ADCY5: variants seen among roughly 807,000 people sequenced by gnomAD.
ADCY5 encodes adenylate cyclase 5.
Under a neutral mutation model 119.7 loss-of-function variants are expected in ADCY5, and 30 were observed. The ratio of observed to expected loss-of-function variants is 0.25; its 90% CI spans 0.19 to 0.34. ADCY5 has a LOEUF of 0.34. Among genes scored for constraint, ADCY5 ranks in the 10% least tolerant of loss-of-function variants. ADCY5 has a pLI of 1.00. For synonymous variants in ADCY5, 753 were observed against 762.2 expected, an observed-to-expected ratio of 0.99 and a Z score of 0.20; for missense variants, 1,324 against 1,775.2, an observed-to-expected ratio of 0.75 and a Z score of 4.57.
intron 12 of ADCY5, among the ~76,000 whole-genome samples, chr3:123,308,522 AC>A (rs753756276): frequency 3.5e-4 from 53 of 151,546 alleles, no homozygotes; most frequent in Non-Finnish European, 7.1e-4. Flanking sequence ...GATTTTACTA[AC>A]CCCAGTTTGG....
rs374144428 is a variant in ADCY5 at position 123,435,094 on chromosome 3, G to A, written c.1134+12318C>T. Among the ~76,000 whole-genome samples the A allele has an allele frequency of 1.6e-3, 248 of 152,254 alleles. 1 individual carries two copies. The highest frequency in any genetic ancestry group is 5.8e-3 in the African/African-American group (242 of 41,554). On this transcript the variant is annotated intron_variant, in intron 1 of 20. Coordinates refer to ENST00000462833, the MANE Select transcript of ADCY5 (RefSeq NM_183357.3). The stretch of plus-strand genomic sequence containing the variant: ...GAGGCCAGGAGTTCAAGACCAGCCT[G>A]GGCAACATAGTGAGACTCCATCTCC...
rs1282007524 is a variant in ADCY5, at chr3:123,447,451, G to T, written c.1095C>A (p.Ala365=). 6 of 1,607,150 alleles carry T rather than the reference G, an allele frequency of 3.7e-6. No individual in the cohort carries two copies. In the East Asian group the frequency reaches 6.7e-5, roughly 18 times the overall value. The change falls in exon 1 of 21, where the codon GCC becomes GCA. Residue 365 remains alanine (A), a synonymous_variant. Coordinates refer to ENST00000462833, the MANE Select transcript of ADCY5 (RefSeq NM_183357.3). Reference sequence around the variant, plus strand: ...ACTGGTCCTGGGCGTTGGTGCGCAGGGCGATGGCCAGGTGGAGGGCGGACA... The same window carrying T: ...ACTGGTCCTGGGCGTTGGTGCGCAGTGCGATGGCCAGGTGGAGGGCGGACA... The part of the protein sequence containing the change: ...VLLSALHLAI[A]LRTNAQDQFL...
At chr3:123,403,380 C>CAAAA (rs35626615) in intron 1 of ADCY5, among the ~76,000 whole-genome samples, 2 of 68,492 alleles carry the variant, frequency 2.9e-5, no homozygotes, top group Admixed American at 1.6e-4. Flanking sequence ...GACCCTGTCT[C>CAAAA]AAAAAAAAAA....
chr3:123,390,393 C>CT (rs554754482), intron 1 of ADCY5, among the ~76,000 whole-genome samples: 182 of 152,320 alleles, frequency 1.2e-3, no homozygotes, highest in African/African-American at 4.0e-3. Context: ...CCTGTGCCCT[C>CT]TGGTGGAATG....
chr3:123,409,957 C>T (rs1043721996), intron 1 of ADCY5, among the ~76,000 whole-genome samples: 1 of 152,210 alleles, frequency 6.6e-6, no homozygotes, highest in Non-Finnish European at 1.5e-5. Flanking sequence ...AAGGCAAACA[C>T]GCAGCTGGCA....
At chr3:123,297,072 G>T in intron 16 of ADCY5, 1 of 1,534,222 alleles carries the variant, frequency 6.5e-7, no homozygotes. Context: ...AGAGCTTGAG[G>T]TTAAATGCTT....
rs566730842 is a variant in ADCY5, at chr3:123,443,554, C to T, written c.1134+3858G>A. 2.0e-5 allele frequency among the ~76,000 whole-genome samples: 3 copies of T among 152,252 alleles called. No individual in the cohort carries two copies. The East Asian group carries it at 5.8e-4, about 29-fold the overall frequency. On this transcript the variant is annotated intron_variant, in intron 1 of 20. Transcript: ENST00000462833. ...TACCCCCACCCCTCATTTGTCTCCTCGCTACAGACACACGTGCTCACAGTC... is the reference window on the plus strand; with the variant it reads ...TACCCCCACCCCTCATTTGTCTCCTTGCTACAGACACACGTGCTCACAGTC...
intron 1 of ADCY5, among the ~76,000 whole-genome samples, chr3:123,405,608 T>TATTTTATTTTATTTTACTCC (rs1406646438): frequency 2.6e-5 from 4 of 152,172 alleles, no homozygotes; most frequent in Admixed American, 6.5e-5. Context: ...TTATTTTATT[T>TATTTTATTTTATTTTACTCC]ATTTTATTTT....
At chr3:123,405,263 G>A (rs1944870523) in intron 1 of ADCY5, among the ~76,000 whole-genome samples, 1 of 152,238 alleles carries the variant, frequency 6.6e-6, no homozygotes, top group Non-Finnish European at 1.5e-5. Context: ...CCGCCAGGCT[G>A]CAGCAGCCTT....
intron 1 of ADCY5, among the ~76,000 whole-genome samples, chr3:123,436,181 C>T (rs530294031): frequency 2.0e-5 from 3 of 151,712 alleles, no homozygotes; most frequent in East Asian, 1.9e-4. Flanking sequence ...TGAGCCACTG[C>T]ACCTGGCCAA....
At chr3:123,400,638 G>A (rs1944723254) in intron 1 of ADCY5, among the ~76,000 whole-genome samples, 1 of 152,106 alleles carries the variant, frequency 6.6e-6, no homozygotes, top group Non-Finnish European at 1.5e-5. Context: ...CCACGTGAAA[G>A]AGGCAGGATA....
chr3:123,354,651 G>A (rs1257672625), intron 1 of ADCY5, among the ~76,000 whole-genome samples: 1 of 152,034 alleles, frequency 6.6e-6, no homozygotes, highest in East Asian at 1.9e-4. Flanking sequence ...AAGAGAGGAA[G>A]GTTCTCAGTG....
chr3:123,318,224 T>C lies in ADCY5; in HGVS notation c.2257-107A>G. The C allele has an allele frequency of 6.5e-6, 5 of 775,170 alleles. No individual in the cohort carries two copies. In the South Asian group the frequency reaches 7.8e-5, roughly 12 times the overall value. 48.0% of individuals were successfully genotyped at this position (775,170 alleles called of 1,614,324 possible). A position where few individuals can be genotyped will look rare whatever the true frequency, so the allele number is the denominator to read the frequency against. On this transcript the variant is annotated intron_variant, in intron 10 of 20. Transcript: ENST00000462833. The stretch of plus-strand genomic sequence containing the variant: ...GAAGCCACTCATGGCTGGTCACCTG[T>C]GCAGCCCACTCCCACAACAGGGAAG...
Position 123,352,467 on chromosome 3 carries a change from C to T in ADCY5, c.1249G>A (p.Ala417Thr), listed in dbSNP as rs764866314. The change falls in exon 2 of 21, where the codon GCG becomes ACG. Residue 417 changes from alanine to threonine, a missense_variant. This residue lies in a region of ADCY5 where 123 missense variants were observed against 287.9 expected (regional missense o/e 0.43). Transcript: ENST00000462833. The surrounding 1 kb of genome is among the most constrained non-coding windows in gnomAD (Gnocchi z 4.8). ...TTCTCCCGCTGCGAGTGGAGCCGCG[C>T]CTGGATGCACTCTCGGGTCTCCTGG... The part of the protein sequence containing the change: ...AFQETRECIQ[A>T]RLHSQRENQQ... 25 of 1,613,666 alleles carry T rather than the reference C, an allele frequency of 1.5e-5. No individual in the cohort carries two copies. The highest frequency in any genetic ancestry group is 8.5e-7 in the Non-Finnish European group (1 of 1,179,950).
At chr3:123,446,095 C>T (rs1945807304) in intron 1 of ADCY5, among the ~76,000 whole-genome samples, 1 of 152,128 alleles carries the variant, frequency 6.6e-6, no homozygotes, top group African/African-American at 2.4e-5. Context: ...AGCAAAGGCC[C>T]AGAGAGCTTG....
At chr3:123,417,774 G>GA (rs147851693) in intron 1 of ADCY5, among the ~76,000 whole-genome samples, 4,219 of 152,232 alleles carry the variant, frequency 0.028, 89 homozygotes, top group Middle Eastern at 0.054. Context: ...TTTTTCCTCT[G>GA]AAAATGAAAG....
intron 13 of ADCY5, 135 bp from the exon 14 acceptor site, chr3:123,303,354 TGAAA>T: frequency 2.0e-6 from 2 of 1,002,510 alleles, no homozygotes; most frequent in Non-Finnish European, 1.5e-6. Flanking sequence ...GGACAAAATC[TGAAA>T]GAGTCTGAGG....
chr3:123,361,853 T>C (rs905794400), intron 1 of ADCY5, among the ~76,000 whole-genome samples: 1 of 152,238 alleles, frequency 6.6e-6, no homozygotes, highest in Admixed American at 6.5e-5. Context: ...TAAAATAATT[T>C]TGTGCATGAA....
At chr3:123,423,659 C>T (rs1363293704) in intron 1 of ADCY5, among the ~76,000 whole-genome samples, 3 of 152,230 alleles carry the variant, frequency 2.0e-5, no homozygotes, top group African/African-American at 7.2e-5. Context: ...GAAGGCCCGT[C>T]ACCAAGCCCC....
Sources: gnomAD v4.1 joint callset for allele counts (sites outside exome capture counted in the v4.1 genomes callset) on GRCh38, gnomAD v4.1.1 for gene constraint, gnomAD v4.1.1 regional missense constraint, Gnocchi (gnomAD v3.1) non-coding constraint, MANE v1.5 for transcripts, NCBI Gene and HGNC (gene_info 2026-07-23, HGNC 2026-07-21) for gene names.